HFM1: variants seen among roughly 807,000 people sequenced by gnomAD.
HFM1 encodes the protein probable ATP-dependent DNA helicase HFM1.
A neutral mutation model predicts 192.1 loss-of-function variants in HFM1; 169 were observed. The observed-to-expected ratio is 0.88, with a 90% CI of 0.78 to 1.00. The LOEUF (loss-of-function observed/expected upper bound fraction) is 1.00. Ranked by LOEUF, HFM1 falls within the 50% of genes least tolerant of loss-of-function variation. HFM1 has a pLI of 0.00. For missense variants in HFM1, 1,661 were observed against 1,668.0 expected, an observed-to-expected ratio of 1.00 and a Z score of 0.07; for synonymous variants, 525 against 537.8, an observed-to-expected ratio of 0.98 and a Z score of 0.33.
chr1:91,303,453 TA>T (rs1649142666), intron 30 of HFM1, among the ~76,000 whole-genome samples: 1 of 152,228 alleles, frequency 6.6e-6, no homozygotes, highest in Non-Finnish European at 1.5e-5. Context: ...TGGGCTATTA[TA>T]AATAATGCAG....
intron 10 of HFM1, 23 bp from the exon 11 acceptor site, chr1:91,378,206 A>G: frequency 6.6e-7 from 1 of 1,523,288 alleles, no homozygotes; most frequent in Non-Finnish European, 8.9e-7. Flanking sequence ...TCAAGAAAAA[A>G]TCATTAGCTA....
chr1:91,322,822 G>T, intron 23 of HFM1, 128 bp downstream of exon 23: 1 of 482,278 alleles, frequency 2.1e-6, no homozygotes. Context: ...TCTGAGAGTT[G>T]TAAGAAATTA....
chr1:91,344,255 C>A (rs1257838670), intron 19 of HFM1, among the ~76,000 whole-genome samples: 1 of 152,120 alleles, frequency 6.6e-6, no homozygotes, highest in African/African-American at 2.4e-5. Flanking sequence ...TAGTTCAGAG[C>A]AGACAGTGGG....
At chr1:91,319,451 A>G (rs941787061) in intron 23 of HFM1, 61 bp from the exon 24 acceptor site, 5 of 1,028,132 alleles carry the variant, frequency 4.9e-6, no homozygotes, top group Non-Finnish European at 7.6e-6. Context: ...CCAGTATTTG[A>G]TATCACTCAC....
At chr1:91,285,474 T>C (rs985749443) in intron 30 of HFM1, among the ~76,000 whole-genome samples, 17 of 152,328 alleles carry the variant, frequency 1.1e-4, no homozygotes, top group African/African-American at 4.1e-4. Flanking sequence ...TGGATTGTTT[T>C]GAAAAGGCCC....
intron 36 of HFM1, among the ~76,000 whole-genome samples, chr1:91,264,826 A>G (rs1665594764): frequency 1.3e-5 from 2 of 152,058 alleles, no homozygotes. Flanking sequence ...TGCATTTTGC[A>G]TTTTTTGTAA....
intron 2 of HFM1, among the ~76,000 whole-genome samples, chr1:91,396,814 G>T (rs1395049191): frequency 6.6e-6 from 1 of 152,164 alleles, no homozygotes; most frequent in African/African-American, 2.4e-5. Context: ...ACCATTACTG[G>T]TATTCCAGAG....
Position 91,319,303 on chromosome 1 carries a change from T to G in HFM1, c.2670A>C (p.Arg890=). 6.2e-7 allele frequency: 1 copy of G among 1,609,592 alleles called. No individual in the cohort carries two copies. The highest frequency in any genetic ancestry group is 1.3e-5 in the African/African-American group (1 of 74,954). Residue 890 remains arginine, a synonymous_variant, in exon 24 of 39, where the codon CGA becomes CGC. Transcript: ENST00000370425. ...AATCCTGTAACATACATCTTGTAAT[T>G]CGGGAGCCATGTCTGAAAATCTTTG... The part of the protein sequence containing the change: ...DTAKIFRHGS[R]ITRWLSDFVA...
intron 20 of HFM1, among the ~76,000 whole-genome samples, chr1:91,335,606 C>G (rs1654453637): frequency 6.6e-6 from 1 of 152,012 alleles, no homozygotes; most frequent in Non-Finnish European, 1.5e-5. Context: ...GATTAATATT[C>G]TTACAGGAAA....
chr1:91,294,154 C>T (rs1277346006), intron 30 of HFM1, among the ~76,000 whole-genome samples: 2 of 151,144 alleles, frequency 1.3e-5, no homozygotes, highest in Admixed American at 6.6e-5. Context: ...ACATATGTAA[C>T]TAACCTGCAC....
Position 91,397,217 on chromosome 1 carries a change from C to A in HFM1, c.72-812G>T, listed in dbSNP as rs1027456294. The stretch of plus-strand genomic sequence containing the variant: ...ATTCTTAGTCCAAACCATCTACAAA[C>A]TACAGAAAAATCCAAGAAATCATTT... On this transcript the variant is annotated intron_variant, in intron 2 of 38. Transcript: ENST00000370425. Among the ~76,000 whole-genome samples the A allele has an allele frequency of 4.6e-5, 7 of 152,294 alleles. No homozygotes were observed. The Middle Eastern group carries it at 0.01, about 222-fold the overall frequency.
intron 13 of HFM1, among the ~76,000 whole-genome samples, chr1:91,365,478 C>T (rs1179951690): frequency 1.3e-5 from 2 of 151,798 alleles, no homozygotes; most frequent in Non-Finnish European, 2.9e-5. Context: ...TCAAATATGC[C>T]ATATAAAATT....
At chr1:91,322,363 AC>A (rs559714466) in intron 23 of HFM1, among the ~76,000 whole-genome samples, 4 of 152,236 alleles carry the variant, frequency 2.6e-5, no homozygotes, top group Non-Finnish European at 4.4e-5. Context: ...ACCTTAAATT[AC>A]ATAACACTAA....
chr1:91,281,513 T>C (rs1269733215), intron 30 of HFM1, among the ~76,000 whole-genome samples: 3 of 152,330 alleles, frequency 2.0e-5, no homozygotes, highest in African/African-American at 7.2e-5. Flanking sequence ...ATTAAGTTCC[T>C]GGGCTGAATC....
upstream of HFM1, among the ~76,000 whole-genome samples, chr1:91,407,155 A>G (rs1017575527): frequency 1.3e-5 from 2 of 152,076 alleles, no homozygotes; most frequent in Admixed American, 1.3e-4. Context: ...TATCCCCAAC[A>G]AGAAATTTGT....
In HFM1 at chr1:91,265,020, A is replaced by G. The variant is rs139953071; in HGVS notation, c.3974+997T>C. Among the ~76,000 whole-genome samples, 1,021 of 151,870 alleles carry G rather than the reference A, an allele frequency of 6.7e-3. 13 individuals carry two copies. The highest frequency in any genetic ancestry group is 0.023 in the African/African-American group (952 of 41,412). On this transcript the variant is annotated intron_variant, in intron 36 of 38. Transcript: ENST00000370425. ...TGAAATGTTTTAAAAATCCAACCCT[A>G]CCTCTCTGTTCCCATCACTTCTGCT...
intron 20 of HFM1, among the ~76,000 whole-genome samples, chr1:91,332,760 T>A (rs1011826353): frequency 2.0e-5 from 3 of 151,816 alleles, no homozygotes; most frequent in African/African-American, 7.3e-5. Context: ...CAGGAAAAAA[T>A]CTAATAATCC....
intron 13 of HFM1, among the ~76,000 whole-genome samples, chr1:91,363,124 T>C (rs1399674230): frequency 6.6e-6 from 1 of 152,040 alleles, no homozygotes; most frequent in Admixed American, 6.6e-5. Context: ...CGGGCAAAGA[T>C]TTCATGAAGA....
chr1:91,313,283 C>T (rs1650736628), intron 30 of HFM1, 66 bp downstream of exon 30: 2 of 916,528 alleles, frequency 2.2e-6, no homozygotes, highest in East Asian at 5.1e-5. Flanking sequence ...AGTACTATAA[C>T]ACTGATACTC....
Sources: allele counts gnomAD v4.1 joint callset (sites outside exome capture counted in the v4.1 genomes callset), GRCh38; gene constraint gnomAD v4.1.1; transcripts MANE v1.5; gene names NCBI Gene and HGNC (gene_info 2026-07-23, HGNC 2026-07-21).